SLC24A2: variants seen among roughly 807,000 people sequenced by gnomAD.
The protein encoded by SLC24A2 is sodium/potassium/calcium exchanger 2.
In SLC24A2, 36 loss-of-function variants were observed where a neutral mutation model predicts 62.0. That is an observed-to-expected ratio of 0.58 (90% CI 0.44 to 0.77). The LOEUF (loss-of-function observed/expected upper bound fraction) is 0.77. Ranked by LOEUF, SLC24A2 falls within the 30% of genes least tolerant of loss-of-function variation. The pLI, the probability that SLC24A2 is intolerant of heterozygous loss-of-function variation, is 0.00. For synonymous variants in SLC24A2, 358 were observed against 294.0 expected (o/e 1.22, Z -2.23); for missense variants, 846 against 817.9 (o/e 1.03, Z -0.42).
At chr9:20,092,521 C>T in the SLC24A2 span, among the ~76,000 whole-genome samples, 1 of 152,156 alleles carries the variant, frequency 6.6e-6, no homozygotes, top group African/African-American at 2.4e-5. Flanking sequence ...AAAGATTGGA[C>T]ACCTCCGCTA....
the SLC24A2 span, among the ~76,000 whole-genome samples, chr9:19,954,517 T>A: frequency 6.6e-6 from 1 of 151,968 alleles, no homozygotes; most frequent in Non-Finnish European, 1.5e-5. Flanking sequence ...CCAGGAAAGA[T>A]TGGAAATCAT....
chr9:19,749,430 C>G (rs557489713), intron 2 of SLC24A2, among the ~76,000 whole-genome samples: 2 of 152,124 alleles, frequency 1.3e-5, no homozygotes, highest in African/African-American at 4.8e-5. Flanking sequence ...CAAGACAAAA[C>G]TGAGTTTATT....
chr9:20,050,972 G>GA, the SLC24A2 span, among the ~76,000 whole-genome samples: 1 of 151,896 alleles, frequency 6.6e-6, no homozygotes, highest in African/African-American at 2.4e-5. Flanking sequence ...GGGAATAAAA[G>GA]AAAAAATACG....
rs76896296 is a variant in SLC24A2 at position 19,508,027 on chromosome 9, T to G, written c.*8126A>C. The stretch of plus-strand genomic sequence containing the variant: ...TAACCGTATCTGAAGAACAAAAGTA[T>G]AATTTCTCTTGCTTTTAGTGCTAGC... On this transcript the variant is annotated 3_prime_UTR_variant, in exon 11 of 11. Coordinates refer to ENST00000341998, the MANE Select transcript of SLC24A2 (RefSeq NM_020344.4). 6.6e-6 allele frequency: 1 copy of G among 152,348 alleles called. No individual in the cohort carries two copies. The highest frequency in any genetic ancestry group is 1.9e-4 in the East Asian group (1 of 5,188). The allele number at this position is 152,348 out of a possible 1,614,324, so 9.4% of individuals were successfully genotyped here.
At position 19,567,716 on chromosome 9, in the gene SLC24A2, G is replaced by A. The variant is rs547621279; in HGVS notation, c.1347+5635C>T. On this transcript the variant is annotated intron_variant, in intron 7 of 10. Transcript: ENST00000341998. ...AAAAAAAAAAAAAAAATTTGAGAAG[G>A]TTGATAAATTCTCAGTGGCATCCCA... is the stretch of plus-strand genomic sequence containing the variant. 1.0e-4 allele frequency among the ~76,000 whole-genome samples: 15 copies of A among 146,596 alleles called. 1 individual carries two copies. In the South Asian group the frequency reaches 3.0e-3, roughly 30 times the overall value.
At chr9:19,546,088 C>T (rs1038796547) in intron 8 of SLC24A2, among the ~76,000 whole-genome samples, 6 of 152,188 alleles carry the variant, frequency 3.9e-5, no homozygotes, top group East Asian at 1.9e-4. Context: ...TTGTCTCATA[C>T]GGGCACCTGC....
At chr9:19,637,586 G>T (rs1818391945) in intron 2 of SLC24A2, among the ~76,000 whole-genome samples, 1 of 152,216 alleles carries the variant, frequency 6.6e-6, no homozygotes, top group Non-Finnish European at 1.5e-5. Flanking sequence ...GCACTTCCTT[G>T]TAAGTACCAA....
chr9:20,221,457 G>A, the SLC24A2 span, among the ~76,000 whole-genome samples: 1 of 152,026 alleles, frequency 6.6e-6, no homozygotes, highest in Non-Finnish European at 1.5e-5. Flanking sequence ...AACAAGACTT[G>A]TTTTGAATGA....
the SLC24A2 span, among the ~76,000 whole-genome samples, chr9:20,275,363 TTACC>T: frequency 1.3e-5 from 2 of 151,956 alleles, no homozygotes; most frequent in African/African-American, 2.4e-5. Flanking sequence ...ATTCCTAGAG[TTACC>T]TTGCCCTGAG....
intron 8 of SLC24A2, among the ~76,000 whole-genome samples, chr9:19,539,147 A>T (rs1467091783): frequency 6.0e-5 from 4 of 66,228 alleles, no homozygotes; most frequent in African/African-American, 2.5e-4. Flanking sequence ...GATCCTTTCA[A>T]AAAACCAGCT....
At chr9:19,579,793 T>C (rs1447105612) in intron 5 of SLC24A2, among the ~76,000 whole-genome samples, 2 of 152,130 alleles carry the variant, frequency 1.3e-5, no homozygotes, top group Non-Finnish European at 2.9e-5. Flanking sequence ...TATAAGAATC[T>C]TTTCAGAGTT....
chr9:20,115,381 A>G, the SLC24A2 span, among the ~76,000 whole-genome samples: 2 of 152,098 alleles, frequency 1.3e-5, no homozygotes, highest in African/African-American at 2.4e-5. Context: ...CCTCAGTCAG[A>G]TACGGAAACG....
the SLC24A2 span, among the ~76,000 whole-genome samples, chr9:19,891,835 G>T: frequency 6.6e-6 from 1 of 152,124 alleles, no homozygotes; most frequent in Non-Finnish European, 1.5e-5. Context: ...CCTTAGGATG[G>T]CACTAAACCA....
chr9:19,963,611 T>A, the SLC24A2 span, among the ~76,000 whole-genome samples: 23 of 152,062 alleles, frequency 1.5e-4, no homozygotes, highest in Non-Finnish European at 2.6e-4. Context: ...AAAAAACACA[T>A]GAAAAAATGC....
chr9:19,533,944 G>A (rs1833828683), intron 8 of SLC24A2, among the ~76,000 whole-genome samples: 1 of 152,184 alleles, frequency 6.6e-6, no homozygotes, highest in Non-Finnish European at 1.5e-5. Flanking sequence ...AAACCAATAT[G>A]CTTTGTGAAT....
Position 19,786,957 on chromosome 9 carries a change from G to A in SLC24A2, c.-91C>T. On this transcript the variant is annotated 5_prime_UTR_variant, in exon 2 of 11. Coordinates refer to ENST00000341998, the MANE Select transcript of SLC24A2 (RefSeq NM_020344.4). This position sits in a 1 kb window ranked among gnomAD's most constrained non-coding sequence, Gnocchi z 5.0. The stretch of plus-strand genomic sequence containing the variant: ...TTTTCCTTACTTTATAGTTAACGAT[G>A]CTTGTGGGGTACTTTCACAATCAGG... 1.3e-6 allele frequency: 2 copies of A among 1,532,384 alleles called. No homozygotes were observed. Among genetic ancestry groups the A allele is most frequent in the Non-Finnish European group, 1.7e-6 (2 of 1,145,588 alleles). 94.9% of individuals were successfully genotyped at this position (1,532,384 alleles called of 1,614,324 possible).
chr9:19,696,016 C>A (rs546631695), intron 2 of SLC24A2, among the ~76,000 whole-genome samples: 1 of 152,268 alleles, frequency 6.6e-6, no homozygotes, highest in South Asian at 2.1e-4. Flanking sequence ...AAGAACCAGG[C>A]TGCACAGCAG....
chr9:19,677,309 C>T (rs1459182509), intron 2 of SLC24A2, among the ~76,000 whole-genome samples: 2 of 152,128 alleles, frequency 1.3e-5, no homozygotes, highest in Non-Finnish European at 2.9e-5. Context: ...GGCCATTAGC[C>T]TCAGCAAACT....
chr9:19,693,583 G>A (rs548048634), intron 2 of SLC24A2, among the ~76,000 whole-genome samples: 77 of 151,990 alleles, frequency 5.1e-4, no homozygotes, highest in African/African-American at 1.6e-3. Flanking sequence ...ATTTAAAAAC[G>A]GTGTTTTTTC....
Sources: allele counts gnomAD v4.1 joint callset (sites outside exome capture counted in the v4.1 genomes callset), GRCh38; gene constraint gnomAD v4.1.1; non-coding constraint Gnocchi (gnomAD v3.1); transcripts MANE v1.5; gene names NCBI Gene and HGNC (gene_info 2026-07-23, HGNC 2026-07-21).